The following SPG11 variants were observed in gnomAD, a reference collection of about 807,000 sequenced individuals.
The protein encoded by SPG11 is SPG11 vesicle trafficking associated, spatacsin.
A neutral mutation model predicts 274.0 loss-of-function variants in SPG11; 222 were observed. That is an observed-to-expected ratio of 0.81 (90% CI 0.73 to 0.91). The LOEUF (loss-of-function observed/expected upper bound fraction) is 0.91. Ranked by LOEUF, SPG11 falls within the 40% of genes least tolerant of loss-of-function variation. The pLI is 0.00. For synonymous variants in SPG11, 1,144 were observed against 1,039.7 expected, an observed-to-expected ratio of 1.10 and a Z score of -1.93; for missense variants, 3,114 against 2,872.7, an observed-to-expected ratio of 1.08 and a Z score of -1.92.
intron 11 of SPG11, among the ~76,000 whole-genome samples, chr15:44,625,778 A>C (rs1052777488): frequency 3.9e-5 from 6 of 152,080 alleles, no homozygotes; most frequent in Admixed American, 3.3e-4. Context: ...TGCTGGGTTC[A>C]AGCAATTTTC....
chr15:44,584,030 G>A lies in SPG11; in HGVS notation c.5650C>T (p.Arg1884Cys), dbSNP rs752889027. The A allele has an allele frequency of 1.4e-5, 23 of 1,614,146 alleles. No homozygotes were observed. The African/African-American group carries it at 1.7e-4, about 12-fold the overall frequency. The change falls in exon 30 of 40, where the codon CGC (arginine) becomes TGC (cysteine). Residue 1884 changes from arginine (R) to cysteine (C), a missense_variant. Physicochemically the swap from Arg to Cys is radical, Grantham distance 180. Transcript: ENST00000261866. ...EQESLNFLIG[R>C]LLDDGCVHEA... ...TGCACACAGCCATCATCCAGTAGGC[G>A]CCCAATCAAAAAGTTTAGTGACTCC...
intron 7 of SPG11, among the ~76,000 whole-genome samples, chr15:44,641,632 C>CACA (rs1416123255): frequency 1.4e-5 from 2 of 146,516 alleles, no homozygotes; most frequent in Admixed American, 1.4e-4. Flanking sequence ...CACACACACA[C>CACA]AAAACCTTAA....
intron 20 of SPG11, among the ~76,000 whole-genome samples, chr15:44,601,381 C>T (rs1291393641): frequency 6.6e-6 from 1 of 151,868 alleles, no homozygotes; most frequent in African/African-American, 2.4e-5. Flanking sequence ...CCACTTCAGC[C>T]TCCCAAGTAG....
In SPG11 at chr15:44,589,289, T is replaced by TA. The variant is rs774409142; in HGVS notation, c.4868dup (p.Leu1623PhefsTer6). 1.2e-6 allele frequency: 2 copies of TA among 1,614,132 alleles called. No individual in the cohort carries two copies. The highest frequency in any genetic ancestry group is 8.5e-7 in the Non-Finnish European group (1 of 1,179,986). On this transcript the variant is annotated frameshift_variant, in exon 28 of 40. Coordinates refer to ENST00000261866, the MANE Select transcript of SPG11 (RefSeq NM_025137.4). LOFTEE classifies it high-confidence loss of function. Reference sequence around the variant, plus strand: ...GATGCTCTCTTTCAACAAAGAGCTGTAAAAGCTTCCCCAGCTCATACTGGG... The same window carrying TA: ...GATGCTCTCTTTCAACAAAGAGCTGTAAAAAGCTTCCCCAGCTCATACTGGG...
intron 20 of SPG11, 127 bp from the exon 21 acceptor site, chr15:44,600,759 G>GAAC: frequency 1.0e-6 from 1 of 978,780 alleles, no homozygotes; most frequent in East Asian, 2.6e-5. Context: ...GTATCACTTT[G>GAAC]AATCTACCAA....
chr15:44,629,178 A>T (rs1473774833), intron 9 of SPG11, 55 bp downstream of exon 9: 3 of 1,578,698 alleles, frequency 1.9e-6, no homozygotes, highest in Non-Finnish European at 2.6e-6. Flanking sequence ...CAGCACTTGT[A>T]TCTGTTCTGA....
rs761269744 is a variant in SPG11, at chr15:44,570,618, C to T, written c.6384G>A (p.Leu2128=). 6.2e-7 allele frequency: 1 copy of T among 1,614,072 alleles called. No individual in the cohort carries two copies. The highest frequency in any genetic ancestry group is 1.1e-5 in the South Asian group (1 of 91,074). Reference sequence around the variant, plus strand: ...GGATGATGCCCTCCATGTGGCACGTCAGGGTGAAGCAATGATGGGCCAGGA... The same window carrying T: ...GGATGATGCCCTCCATGTGGCACGTTAGGGTGAAGCAATGATGGGCCAGGA... ...LLILAHHCFT[L]TCHMEGIIRV... is the part of the protein sequence containing the mutation. The change falls in exon 34 of 40, where the codon CTG becomes CTA. Residue 2128 remains leucine, a synonymous_variant. Transcript: ENST00000261866.
At position 44,584,170 on chromosome 15, in the gene SPG11, A is replaced by C. The variant is rs2082710048; in HGVS notation, c.5510T>G (p.Leu1837Ter). ...CTTGGAGAAGGAAAACTCACTGGCT[A>C]AACTATCAAAGGAAAGTTCACCACT... is the stretch of plus-strand genomic sequence containing the variant. ...STSGELSFDS[L>*]ASEFSFSKLA... The change falls in exon 30 of 40, where the codon TTA (leucine) becomes TGA (stop). Residue 1837 changes from leucine to a stop codon, truncating the protein, a stop_gained. Coordinates refer to ENST00000261866, the MANE Select transcript of SPG11 (RefSeq NM_025137.4). LOFTEE classifies it high-confidence loss of function. The C allele has an allele frequency of 6.2e-7, 1 of 1,614,132 alleles. No individual in the cohort carries two copies.
chr15:44,644,298 A>C (rs1162187593), intron 7 of SPG11, among the ~76,000 whole-genome samples: 1 of 152,214 alleles, frequency 6.6e-6, no homozygotes, highest in Non-Finnish European at 1.5e-5. Flanking sequence ...TGCAATCAAT[A>C]AATGTGATTC....
intron 31 of SPG11, among the ~76,000 whole-genome samples, chr15:44,574,319 T>C (rs531878687): frequency 3.3e-5 from 5 of 152,336 alleles, no homozygotes; most frequent in East Asian, 3.9e-4. Flanking sequence ...TTTAAAAATA[T>C]TATGAAATGT....
chr15:44,599,616 C>A (rs960544319), intron 21 of SPG11, among the ~76,000 whole-genome samples: 1 of 152,080 alleles, frequency 6.6e-6, no homozygotes, highest in Non-Finnish European at 1.5e-5. Context: ...ACATTATTAA[C>A]CATGTTTTTA....
chr15:44,618,516 CA>C (rs1243300533), intron 15 of SPG11, among the ~76,000 whole-genome samples: 834 of 35,374 alleles, frequency 0.024, 12 homozygotes, highest in African/African-American at 0.06. Flanking sequence ...GACTCCATCT[CA>C]AAAAAAAAAA....
intron 18 of SPG11, among the ~76,000 whole-genome samples, chr15:44,610,348 T>C (rs1182849201): frequency 1.3e-5 from 2 of 151,976 alleles, no homozygotes; most frequent in East Asian, 3.9e-4. Flanking sequence ...GCCACCGCAC[T>C]TGGCTTCATT....
At chr15:44,589,152 T>C (rs2082839143) in intron 28 of SPG11, 100 bp downstream of exon 28, 5 of 1,217,768 alleles carry the variant, frequency 4.1e-6, no homozygotes, top group Non-Finnish European at 6.0e-6. Flanking sequence ...TGTAAGTTAA[T>C]GTTACATGCA....
In SPG11 at chr15:44,565,888, A is replaced by G. The variant is rs2082297271; in HGVS notation, c.6965T>C (p.Met2322Thr). 6.2e-7 allele frequency: 1 copy of G among 1,614,108 alleles called. No homozygotes were observed. The highest frequency in any genetic ancestry group is 8.5e-7 in the Non-Finnish European group (1 of 1,180,018). Residue 2322 changes from methionine to threonine, a missense_variant, in exon 38 of 40, where the codon ATG becomes ACG. By Grantham distance (81) the Met-to-Thr change is moderately conservative. Transcript: ENST00000261866. ...MLINLGRHKL[M>T]DCILALPRFY... is the part of the protein sequence containing the mutation. Reference sequence around the variant, plus strand: ...CCGAGGTAGGGCCAGAATACAGTCCATCAGCTTGTGGCGGCCCAAGTTGAT... The same window carrying G: ...CCGAGGTAGGGCCAGAATACAGTCCGTCAGCTTGTGGCGGCCCAAGTTGAT...
At chr15:44,566,172 A>G (rs2082304356) in intron 37 of SPG11, 45 bp downstream of exon 37, 1 of 1,608,308 alleles carries the variant, frequency 6.2e-7, no homozygotes, top group African/African-American at 1.3e-5. Context: ...ATTTTACTGC[A>G]GACAGCAAGT....
intron 6 of SPG11, 25 bp downstream of exon 6, chr15:44,651,466 T>C: frequency 6.2e-7 from 1 of 1,601,050 alleles, no homozygotes; most frequent in South Asian, 1.1e-5. Context: ...GCAATGGATT[T>C]CAATCTAATA....
chr15:44,626,802 A>G (rs750648236), intron 10 of SPG11, among the ~76,000 whole-genome samples: 1 of 152,068 alleles, frequency 6.6e-6, no homozygotes, highest in Non-Finnish European at 1.5e-5. Context: ...AAGAAGGATG[A>G]CCACCCCCAC....
At chr15:44,647,277 A>G (rs1177393070) in intron 7 of SPG11, among the ~76,000 whole-genome samples, 1 of 152,212 alleles carries the variant, frequency 6.6e-6, no homozygotes, top group East Asian at 1.9e-4. Context: ...AAAACAAACA[A>G]TAACAAGTGT....
Sources: allele counts gnomAD v4.1 joint callset (sites outside exome capture counted in the v4.1 genomes callset), GRCh38; gene constraint gnomAD v4.1.1; transcripts MANE v1.5; gene names NCBI Gene and HGNC (gene_info 2026-07-23, HGNC 2026-07-21).